The following SLCO5A1 variants were observed in gnomAD, a reference collection of about 807,000 sequenced individuals.
SLCO5A1 encodes organic anion transporter polypeptide-related protein 4.
SLCO5A1 carries 39 observed loss-of-function variants against 65.1 expected under a neutral mutation model. The observed-to-expected ratio is 0.60, with a 90% CI of 0.46 to 0.78. The LOEUF (loss-of-function observed/expected upper bound fraction) is 0.78. SLCO5A1 is among the 30% of genes least tolerant of loss of function. The probability of loss-of-function intolerance (pLI) is 0.00; values close to 1 mark genes in which losing one functional copy is unlikely to be tolerated. For missense variants in SLCO5A1, 1,029 were observed against 1,069.4 expected (o/e 0.96, Z 0.53); for synonymous variants, 438 against 415.7 (o/e 1.05, Z -0.65).
At chr8:69,789,130 C>T (rs1157833236) in intron 2 of SLCO5A1, among the ~76,000 whole-genome samples, 1 of 152,180 alleles carries the variant, frequency 6.6e-6, no homozygotes, top group Admixed American at 6.5e-5. Flanking sequence ...AGCAGTAAAA[C>T]CGACCCAGGA....
intron 5 of SLCO5A1, among the ~76,000 whole-genome samples, chr8:69,709,424 G>A (rs1463993980): frequency 6.6e-6 from 1 of 152,104 alleles, no homozygotes; most frequent in Non-Finnish European, 1.5e-5. Flanking sequence ...CCTTTCTCTG[G>A]GCTAGAACAG....
At chr8:69,724,635 A>T (rs1296824001) in intron 5 of SLCO5A1, among the ~76,000 whole-genome samples, 1 of 152,204 alleles carries the variant, frequency 6.6e-6, no homozygotes, top group South Asian at 2.1e-4. Context: ...AAAGGACATT[A>T]CTTCCACTTC....
At chr8:69,744,297 T>C (rs965843721) in intron 4 of SLCO5A1, among the ~76,000 whole-genome samples, 3 of 152,232 alleles carry the variant, frequency 2.0e-5, no homozygotes, top group Admixed American at 1.3e-4. Context: ...GAGAGCGGGC[T>C]GCTGCCTGCC....
At chr8:69,694,658 T>C (rs1013080887) in intron 6 of SLCO5A1, among the ~76,000 whole-genome samples, 1 of 152,194 alleles carries the variant, frequency 6.6e-6, no homozygotes, top group Non-Finnish European at 1.5e-5. Flanking sequence ...ACTCTAAAAG[T>C]GGCACGCCTA....
At chr8:69,736,687 G>T (rs1313630195) in intron 5 of SLCO5A1, among the ~76,000 whole-genome samples, 1 of 152,170 alleles carries the variant, frequency 6.6e-6, no homozygotes, top group Non-Finnish European at 1.5e-5. Flanking sequence ...GGAAATGAAA[G>T]GGCCTGCAGT....
chr8:69,692,354 G>C (rs900685477), intron 6 of SLCO5A1, among the ~76,000 whole-genome samples: 1 of 152,204 alleles, frequency 6.6e-6, no homozygotes, highest in Non-Finnish European at 1.5e-5. Context: ...GTGAATGAGT[G>C]AGTGAGTGGT....
At chr8:69,789,402 G>T (rs1025481535) in intron 2 of SLCO5A1, among the ~76,000 whole-genome samples, 2 of 152,234 alleles carry the variant, frequency 1.3e-5, no homozygotes, top group Non-Finnish European at 2.9e-5. Flanking sequence ...TAGGCAAGAA[G>T]TGTTATCTCC....
chr8:69,757,681 A>G (rs979296188), intron 3 of SLCO5A1, among the ~76,000 whole-genome samples: 11 of 152,180 alleles, frequency 7.2e-5, no homozygotes, highest in African/African-American at 2.7e-4. Flanking sequence ...CTCTGTCTCA[A>G]AAAAAATAAA....
intron 2 of SLCO5A1, among the ~76,000 whole-genome samples, chr8:69,773,868 C>A (rs1818448785): frequency 6.6e-6 from 1 of 152,218 alleles, no homozygotes; most frequent in Non-Finnish European, 1.5e-5. Flanking sequence ...TCTTCCAGAT[C>A]TCTGCCCAAA....
At chr8:69,726,000 A>G (rs969586450) in intron 5 of SLCO5A1, among the ~76,000 whole-genome samples, 6 of 152,234 alleles carry the variant, frequency 3.9e-5, no homozygotes, top group African/African-American at 1.4e-4. Context: ...AGAGGTGGTA[A>G]TGTGGAGAGC....
At chr8:69,741,201 A>G (rs1816775061) in intron 4 of SLCO5A1, among the ~76,000 whole-genome samples, 1 of 152,212 alleles carries the variant, frequency 6.6e-6, no homozygotes, top group Admixed American at 6.5e-5. Flanking sequence ...TAGGGTTCCT[A>G]AAGTGCAAAA....
intron 2 of SLCO5A1, among the ~76,000 whole-genome samples, chr8:69,797,903 T>A (rs1323596791): frequency 6.6e-6 from 1 of 152,208 alleles, no homozygotes; most frequent in African/African-American, 2.4e-5. Context: ...TTGTGAAGCA[T>A]GTGATCTCTG....
intron 2 of SLCO5A1, among the ~76,000 whole-genome samples, chr8:69,785,515 A>C (rs1819013457): frequency 1.3e-5 from 2 of 152,206 alleles, no homozygotes; most frequent in African/African-American, 4.8e-5. Flanking sequence ...ATACTTATAA[A>C]GTGCTTCCTG....
Position 69,786,211 on chromosome 8 carries a change from T to A in SLCO5A1, c.908-24336A>T, listed in dbSNP as rs148312410. Among the ~76,000 whole-genome samples the A allele has an allele frequency of 4.2e-3, 643 of 152,334 alleles. 8 individuals are homozygous for A. The highest frequency in any genetic ancestry group is 0.015 in the African/African-American group (614 of 41,582). ...AAAATTGCTTCTAGATGTATCTAACTATCTCATACTCTCTTTAAGAGTTCT... is the reference window on the plus strand; with the variant it reads ...AAAATTGCTTCTAGATGTATCTAACAATCTCATACTCTCTTTAAGAGTTCT... On this transcript the variant is annotated intron_variant, in intron 2 of 9. Transcript: ENST00000260126.
intron 2 of SLCO5A1, among the ~76,000 whole-genome samples, chr8:69,821,211 T>A (rs761403492): frequency 2.0e-5 from 3 of 151,030 alleles, no homozygotes; most frequent in Non-Finnish European, 2.9e-5. Flanking sequence ...AAAAAAAAAT[T>A]AGCTGGGCAT....
chr8:69,781,875 T>C (rs1395391250), intron 2 of SLCO5A1, among the ~76,000 whole-genome samples: 1 of 152,190 alleles, frequency 6.6e-6, no homozygotes, highest in African/African-American at 2.4e-5. Context: ...CAGGCTGGTC[T>C]TGGACTCCCG....
intron 2 of SLCO5A1, among the ~76,000 whole-genome samples, chr8:69,772,563 A>AGAAAGGAAAGAAGGAAAG (rs1818365760): frequency 2.8e-5 from 1 of 35,312 alleles, no homozygotes; most frequent in Non-Finnish European, 5.2e-5. Flanking sequence ...GGGAGGGAGG[A>AGAAAGGAAAGAAGGAAAG]GAAAGGAAAG....
intron 2 of SLCO5A1, among the ~76,000 whole-genome samples, chr8:69,774,818 G>A (rs1818492664): frequency 6.6e-6 from 1 of 152,184 alleles, no homozygotes; most frequent in African/African-American, 2.4e-5. Flanking sequence ...GATAACAGAG[G>A]ACATGAAGAA....
intron 2 of SLCO5A1, among the ~76,000 whole-genome samples, chr8:69,786,938 A>G (rs1344755062): frequency 1.3e-5 from 2 of 152,246 alleles, no homozygotes; most frequent in Non-Finnish European, 2.9e-5. Context: ...TGGAAGAAAG[A>G]GTGAAGATGC....
Sources: allele counts gnomAD v4.1 joint callset (sites outside exome capture counted in the v4.1 genomes callset), GRCh38; gene constraint gnomAD v4.1.1; transcripts MANE v1.5; gene names NCBI Gene and HGNC (gene_info 2026-07-23, HGNC 2026-07-21).